Variants in KLF15 observed in about 807,000 individuals in gnomAD.
KLF15 encodes the protein Krueppel-like factor 15.
KLF15 carries 4 observed loss-of-function variants against 24.6 expected under a neutral mutation model. The observed-to-expected ratio is 0.16, with a 90% CI of 0.08 to 0.37. The LOEUF is 0.37. Among genes scored for constraint, KLF15 ranks in the 10% least tolerant of loss-of-function variants. The pLI is 1.00. For synonymous variants in KLF15, 246 were observed against 236.3 expected, an observed-to-expected ratio of 1.04 and a Z score of -0.37; for missense variants, 496 against 560.6, an observed-to-expected ratio of 0.88 and a Z score of 1.16.
the KLF15 span, among the ~76,000 whole-genome samples, chr3:126,299,422 GC>G: frequency 1.4e-4 from 21 of 152,082 alleles, no homozygotes; most frequent in South Asian, 4.2e-4. Context: ...TCATTGGTTA[GC>G]CCTAATCTGG....
At chr3:126,289,176 C>A in the KLF15 span, among the ~76,000 whole-genome samples, 1 of 152,186 alleles carries the variant, frequency 6.6e-6, no homozygotes, top group Non-Finnish European at 1.5e-5. Flanking sequence ...CAAGAATAAA[C>A]TCCAGGTGTA....
At chr3:126,351,804 G>A (rs2082584118) in intron 2 of KLF15, 37 bp downstream of exon 2, 4 of 1,583,678 alleles carry the variant, frequency 2.5e-6, no homozygotes, top group Non-Finnish European at 3.4e-6. Context: ...ATGAGTGGCT[G>A]TGCTCACTGC....
At chr3:126,342,153 A>G (rs2082483707), downstream of KLF15, among the ~76,000 whole-genome samples, 1 of 152,228 alleles carries the variant, frequency 6.6e-6, no homozygotes, top group African/African-American at 2.4e-5. Context: ...CTGCCTGCTC[A>G]GGATTCCTAA....
chr3:126,322,536 C>A, the KLF15 span, among the ~76,000 whole-genome samples: 1 of 152,174 alleles, frequency 6.6e-6, no homozygotes, highest in African/African-American at 2.4e-5. Context: ...CCAGGATCCT[C>A]CCCCCATCTC....
the KLF15 span, among the ~76,000 whole-genome samples, chr3:126,307,880 C>A: frequency 6.6e-6 from 1 of 152,142 alleles, no homozygotes; most frequent in Non-Finnish European, 1.5e-5. Flanking sequence ...CCAGGCCACC[C>A]GAACTCCAGA....
intron 2 of KLF15, among the ~76,000 whole-genome samples, chr3:126,344,156 C>T (rs1004171453): frequency 2.6e-5 from 4 of 152,170 alleles, no homozygotes; most frequent in Non-Finnish European, 5.9e-5. Flanking sequence ...TGCAGCCTCC[C>T]GGGCTCAATC....
At chr3:126,331,437 C>T in the KLF15 span, among the ~76,000 whole-genome samples, 63 of 152,278 alleles carry the variant, frequency 4.1e-4, 1 homozygote, top group South Asian at 0.012. Context: ...GTTCTTCCCA[C>T]GGTTGAGTAT....
the KLF15 span, chr3:126,291,422 A>G: frequency 6.6e-6 from 1 of 152,376 alleles, no homozygotes; most frequent in African/African-American, 2.4e-5. Context: ...AGGAGCCCAC[A>G]TGGAATGAAT....
chr3:126,324,930 G>T, the KLF15 span, among the ~76,000 whole-genome samples: 3 of 103,024 alleles, frequency 2.9e-5, no homozygotes, highest in Non-Finnish European at 5.7e-5. Flanking sequence ...TCTAGCATTA[G>T]GTATATCTCC....
At chr3:126,319,347 T>A in the KLF15 span, among the ~76,000 whole-genome samples, 1 of 152,244 alleles carries the variant, frequency 6.6e-6, no homozygotes, top group Non-Finnish European at 1.5e-5. Context: ...ATGTTTAGTT[T>A]TGTAAGAAAT....
intron 2 of KLF15, among the ~76,000 whole-genome samples, chr3:126,351,269 C>T (rs973510011): frequency 8.5e-5 from 13 of 152,232 alleles, no homozygotes; most frequent in African/African-American, 2.9e-4. Flanking sequence ...GAAGCATAGG[C>T]GAGGCCCAGC....
chr3:126,351,171 C>T (rs1178073555), intron 2 of KLF15, among the ~76,000 whole-genome samples: 1 of 152,218 alleles, frequency 6.6e-6, no homozygotes, highest in Non-Finnish European at 1.5e-5. Context: ...CTGGGTTCTG[C>T]CACCTGTGAC....
the KLF15 span, chr3:126,290,746 T>C: frequency 6.6e-6 from 1 of 152,310 alleles, no homozygotes; most frequent in East Asian, 1.9e-4. Flanking sequence ...ATGGCCCAAT[T>C]CCCTTCTGAA....
the KLF15 span, among the ~76,000 whole-genome samples, chr3:126,292,023 G>C: frequency 6.6e-6 from 1 of 152,192 alleles, no homozygotes; most frequent in Non-Finnish European, 1.5e-5. Flanking sequence ...AGTGTCCACG[G>C]AAGTGGCTGA....
At position 126,356,797 on chromosome 3, in the gene KLF15, G is replaced by GC. The variant is rs562438682; in HGVS notation, c.-26+439dup. Among the ~76,000 whole-genome samples, 340 of 150,366 alleles carry GC rather than the reference G, an allele frequency of 2.3e-3. 4 individuals carry two copies. In the South Asian group the frequency reaches 0.035, roughly 15 times the overall value. The stretch of plus-strand genomic sequence containing the variant: ...GCTGGGCACCATGCCCTCGTCCCAC[G>GC]CCCCCCCCTTGCCCCCGACACTGCT... On this transcript the variant is annotated intron_variant, in intron 1 of 2. Coordinates refer to ENST00000296233, the MANE Select transcript of KLF15 (RefSeq NM_014079.4). The surrounding 1 kb of genome is among the most constrained non-coding windows in gnomAD (Gnocchi z 4.4).
chr3:126,303,507 C>T, the KLF15 span, among the ~76,000 whole-genome samples: 1 of 151,858 alleles, frequency 6.6e-6, no homozygotes, highest in Non-Finnish European at 1.5e-5. Flanking sequence ...TGCTGTTATC[C>T]TTATCTTTGT....
At chr3:126,305,599 T>C in the KLF15 span, among the ~76,000 whole-genome samples, 1 of 147,308 alleles carries the variant, frequency 6.8e-6, no homozygotes, top group Admixed American at 6.8e-5. Flanking sequence ...CACATTTCAT[T>C]ACTCAGAGCT....
intron 2 of KLF15, among the ~76,000 whole-genome samples, chr3:126,344,179 C>A (rs1165307051): frequency 6.6e-6 from 1 of 152,204 alleles, no homozygotes; most frequent in Non-Finnish European, 1.5e-5. Context: ...TCCTCCTTAG[C>A]CTCCAGAGTA....
the KLF15 span, chr3:126,291,142 AG>A: frequency 6.6e-6 from 1 of 152,396 alleles, no homozygotes; most frequent in African/African-American, 2.4e-5. Context: ...CTGTTCACCT[AG>A]CCTCCAGGTG....
Sources: allele counts gnomAD v4.1 joint callset (sites outside exome capture counted in the v4.1 genomes callset), GRCh38; gene constraint gnomAD v4.1.1; non-coding constraint Gnocchi (gnomAD v3.1); transcripts MANE v1.5; gene names NCBI Gene and HGNC (gene_info 2026-07-23, HGNC 2026-07-21).